Variants in POLR2J observed in about 807,000 individuals in gnomAD.
POLR2J encodes DNA-directed RNA polymerase II subunit RPB11-a.
A neutral mutation model predicts 13.4 loss-of-function variants in POLR2J; 12 were observed. That is an observed-to-expected ratio of 0.90 (90% CI 0.57 to 1.45). The LOEUF (loss-of-function observed/expected upper bound fraction) is 1.45, where lower values mean the gene tolerates loss of function less well. Ranked by LOEUF, POLR2J falls within the 40% of genes most tolerant of loss-of-function variation. POLR2J has a pLI of 0.00. For missense variants in POLR2J, 58 were observed against 132.0 expected (o/e 0.44, Z 2.75); for synonymous variants, 31 against 53.6 (o/e 0.58, Z 1.84).
chr7:102,478,872 C>G lies in POLR2J; in HGVS notation c.-12G>C, dbSNP rs760971773. 6.2e-7 allele frequency: 1 copy of G among 1,610,548 alleles called. No homozygotes were observed. Among genetic ancestry groups the G allele is most frequent in the Non-Finnish European group, 8.5e-7 (1 of 1,179,700 alleles). On this transcript the variant is annotated 5_prime_UTR_variant, in exon 1 of 4. Transcript: ENST00000292614. ...GGAGGGGCGTTCATGCTCCCGCCGC[C>G]GTTGCGTCCAGACCCCAAGGGTCCG...
Position 102,476,171 on chromosome 7 carries a change from G to A in POLR2J, c.143+10C>T, listed in dbSNP as rs1482308420. Reference sequence around the variant, plus strand: ...ACACAGCCCCTGAGAGCCTGTGACGGGAAACTTACGATTTAATGATGTTTC... The same window carrying A: ...ACACAGCCCCTGAGAGCCTGTGACGAGAAACTTACGATTTAATGATGTTTC... On this transcript the variant is annotated intron_variant, in intron 2 of 3. Transcript: ENST00000292614. 126 of 880,974 alleles carry A rather than the reference G, an allele frequency of 1.4e-4. 1 individual carries two copies. Among genetic ancestry groups the A allele is most frequent in the Non-Finnish European group, 2.8e-5 (16 of 569,730 alleles). The allele number at this position is 880,974 out of a possible 1,614,324, so 54.6% of individuals were successfully genotyped here. A position where few individuals can be genotyped will look rare whatever the true frequency, so the allele number is the denominator to read the frequency against.
chr7:102,478,657 C>A lies in POLR2J; in HGVS notation c.53+151G>T, dbSNP rs560743366. On this transcript the variant is annotated intron_variant, in intron 1 of 3. Transcript: ENST00000292614. ...CATGGACACACTCGCGACTGCCTCG[C>A]GGAACGGCCTTAAATTTGGCTGACA... 5.5e-4 allele frequency: 787 copies of A among 1,439,136 alleles called. 1 individual carries two copies. The African/African-American group carries it at 0.01, about 19-fold the overall frequency. 89.1% of individuals were successfully genotyped at this position (1,439,136 alleles called of 1,614,324 possible).
At position 102,473,572 on chromosome 7, in the gene POLR2J, C is replaced by T. The variant is rs892956790; in HGVS notation, c.*77G>A. ...CATGGCTGGGACCGGCCGCTCTCCT[C>T]GGTGTGGTACCTGGAGCGGAGGGTC... On this transcript the variant is annotated 3_prime_UTR_variant, in exon 4 of 4. Coordinates refer to ENST00000292614, the MANE Select transcript of POLR2J (RefSeq NM_006234.6). The T allele has an allele frequency of 4.5e-5, 71 of 1,593,548 alleles. No individual in the cohort carries two copies. The Middle Eastern group carries it at 5.2e-4, about 12-fold the overall frequency.
chr7:102,473,834 C>T, intron 3 of POLR2J, 150 bp from the exon 4 acceptor site: 3 of 1,456,364 alleles, frequency 2.1e-6, no homozygotes, highest in Non-Finnish European at 9.0e-7. Context: ...AAAGGGCCCT[C>T]CCAGCTGGCC....
intron 3 of POLR2J, chr7:102,473,947 C>G: frequency 7.0e-7 from 1 of 1,434,292 alleles, no homozygotes; most frequent in South Asian, 1.5e-5. Context: ...AGCTGTGGCT[C>G]TTTCCCCTCT....
At chr7:102,473,955 T>G (rs1798329069) in intron 3 of POLR2J, 1 of 1,435,000 alleles carries the variant, frequency 7.0e-7, no homozygotes, top group Non-Finnish European at 9.1e-7. Context: ...CTCTTTCCCC[T>G]CTAAACTGTT....
intron 1 of POLR2J, 112 bp downstream of exon 1, chr7:102,478,696 C>T (rs1461641839): frequency 1.1e-5 from 16 of 1,519,754 alleles, no homozygotes; most frequent in Non-Finnish European, 1.2e-5. Flanking sequence ...GCCGAGCAGA[C>T]GATCAAGCAA....
rs547229461 is a variant in POLR2J, at chr7:102,474,946, G to C, written c.144-411C>G. Among the ~76,000 whole-genome samples, 18 of 149,926 alleles carry C rather than the reference G, an allele frequency of 1.2e-4. No individual in the cohort carries two copies. The East Asian group carries it at 3.4e-3, about 28-fold the overall frequency. ...GCCGGCAGTGAGTGGAATGCAAATG[G>C]AACTCTGCCCTCCGAGCAGCACAGC... is the stretch of plus-strand genomic sequence containing the variant. On this transcript the variant is annotated intron_variant, in intron 2 of 3. Coordinates refer to ENST00000292614, the MANE Select transcript of POLR2J (RefSeq NM_006234.6).
chr7:102,473,544 G>T lies in POLR2J; in HGVS notation c.*105C>A. On this transcript the variant is annotated 3_prime_UTR_variant, in exon 4 of 4. Coordinates refer to ENST00000292614, the MANE Select transcript of POLR2J (RefSeq NM_006234.6). ...CAGGGTGAGGGGTGGCCACAAGGCGGGCCATGGCTGGGACCGGCCGCTCTC... is the reference window on the plus strand; with the variant it reads ...CAGGGTGAGGGGTGGCCACAAGGCGTGCCATGGCTGGGACCGGCCGCTCTC... The T allele has an allele frequency of 6.5e-7, 1 of 1,539,574 alleles. No individual in the cohort carries two copies.
chr7:102,473,540 G>A lies in POLR2J; in HGVS notation c.*109C>T. 7 of 1,109,320 alleles carry A rather than the reference G, an allele frequency of 6.3e-6. No individual in the cohort carries two copies. The highest frequency in any genetic ancestry group is 8.0e-6 in the Non-Finnish European group (7 of 873,410). 68.7% of individuals were successfully genotyped at this position (1,109,320 alleles called of 1,614,324 possible). On this transcript the variant is annotated 3_prime_UTR_variant, in exon 4 of 4. Transcript: ENST00000292614. ...GTGTCAGGGTGAGGGGTGGCCACAAGGCGGGCCATGGCTGGGACCGGCCGC... is the reference window on the plus strand; with the variant it reads ...GTGTCAGGGTGAGGGGTGGCCACAAAGCGGGCCATGGCTGGGACCGGCCGC...
chr7:102,475,104 G>A (rs1019539272), intron 2 of POLR2J, among the ~76,000 whole-genome samples: 1 of 152,154 alleles, frequency 6.6e-6, no homozygotes, highest in Middle Eastern at 3.2e-3. Context: ...CCGTGCATAG[G>A]TGGCAACACT....
Position 102,473,872 on chromosome 7 carries a change from C to T in POLR2J, c.319-188G>A, listed in dbSNP as rs1010312494. ...ATCCAGCCATTCTCTATGGCAGCCC[C>T]GGCAGGAGTCAGAGGCCCCAGAGGC... On this transcript the variant is annotated intron_variant, in intron 3 of 3. Transcript: ENST00000292614. 15 of 1,441,930 alleles carry T rather than the reference C, an allele frequency of 1.0e-5. No individual in the cohort carries two copies. The East Asian group carries it at 1.7e-4, about 17-fold the overall frequency. 89.3% of individuals were successfully genotyped at this position (1,441,930 alleles called of 1,614,324 possible).
intron 2 of POLR2J, among the ~76,000 whole-genome samples, chr7:102,474,871 CAA>C (rs1162871751): frequency 6.7e-6 from 1 of 149,056 alleles, no homozygotes; most frequent in Non-Finnish European, 1.5e-5. Flanking sequence ...AAAAAGCCCA[CAA>C]AGAGCCTCCA....
chr7:102,478,689 G>A, intron 1 of POLR2J, 119 bp downstream of exon 1: 1 of 1,504,692 alleles, frequency 6.6e-7, no homozygotes, highest in Non-Finnish European at 8.9e-7. Flanking sequence ...GACACAGGCC[G>A]AGCAGACGAT....
Position 102,476,182 on chromosome 7 carries a change from A to T in POLR2J, c.142T>A (p.Ser48Thr). 1.1e-6 allele frequency: 1 copy of T among 882,254 alleles called. No homozygotes were observed. The highest frequency in any genetic ancestry group is 1.8e-6 in the Non-Finnish European group (1 of 565,490). 54.7% of individuals were successfully genotyped at this position (882,254 alleles called of 1,614,324 possible). A position where few individuals can be genotyped will look rare whatever the true frequency, so the allele number is the denominator to read the frequency against. Reference protein sequence around the residue: ...EDHTLGNIIKSQLLKDPQVLF... With the variant: ...EDHTLGNIIKTQLLKDPQVLF... ...GAGAGCCTGTGACGGGAAACTTACG[A>T]TTTAATGATGTTTCCCAGTGTGTGG... is the stretch of plus-strand genomic sequence containing the variant. Residue 48 changes from serine to threonine, a missense_variant and splice_region_variant, in exon 2 of 4, where the codon TCA (serine) becomes ACA (threonine). Coordinates refer to ENST00000292614, the MANE Select transcript of POLR2J (RefSeq NM_006234.6).
In POLR2J at chr7:102,478,877, C is replaced by A; in HGVS notation, c.-17G>T. ...GGCGTTCATGCTCCCGCCGCCGTTG[C>A]GTCCAGACCCCAAGGGTCCGCCGCC... is the stretch of plus-strand genomic sequence containing the variant. On this transcript the variant is annotated 5_prime_UTR_variant, in exon 1 of 4. Transcript: ENST00000292614. 1 of 1,610,540 alleles carries A rather than the reference C, an allele frequency of 6.2e-7. No homozygotes were observed. The highest frequency in any genetic ancestry group is 8.5e-7 in the Non-Finnish European group (1 of 1,179,646).
chr7:102,473,759 C>A (rs1016348940), intron 3 of POLR2J, 75 bp from the exon 4 acceptor site: 27 of 1,381,106 alleles, frequency 2.0e-5, no homozygotes, highest in Non-Finnish European at 2.6e-5. Context: ...TGCCCAGCAT[C>A]CCCCCCGCCA....
chr7:102,473,221 T>A lies in POLR2J; in HGVS notation c.*428A>T. The A allele has an allele frequency of 3.8e-6, 3 of 795,624 alleles. No homozygotes were observed. The highest frequency in any genetic ancestry group is 1.9e-5 in the South Asian group (1 of 52,214). The allele number at this position is 795,624 out of a possible 1,614,324, so 49.3% of individuals were successfully genotyped here. On this transcript the variant is annotated 3_prime_UTR_variant, in exon 4 of 4. Transcript: ENST00000292614. ...CAGGAAGAAGTGTTCCTGCTTTGAC[T>A]GACAGGCAGGCCCAGGAGTTGAGGC...
At chr7:102,473,757 A>G in intron 3 of POLR2J, 73 bp from the exon 4 acceptor site, 1 of 1,595,322 alleles carries the variant, frequency 6.3e-7, no homozygotes, top group Non-Finnish European at 8.5e-7. Context: ...CATGCCCAGC[A>G]TCCCCCCCGC....
Sources: gnomAD v4.1 joint callset for allele counts (sites outside exome capture counted in the v4.1 genomes callset) on GRCh38, gnomAD v4.1.1 for gene constraint, MANE v1.5 for transcripts, NCBI Gene and HGNC (gene_info 2026-07-23, HGNC 2026-07-21) for gene names.